Variants in NFIB observed in about 807,000 individuals in gnomAD.
NFIB encodes nuclear factor I B.
A neutral mutation model predicts 61.5 loss-of-function variants in NFIB; 11 were observed. The ratio of observed to expected loss-of-function variants is 0.18; its 90% CI spans 0.11 to 0.30. The LOEUF (loss-of-function observed/expected upper bound fraction) is 0.30. Among genes scored for constraint, NFIB ranks in the 10% least tolerant of loss-of-function variants. The pLI, the probability that NFIB is intolerant of heterozygous loss-of-function variation, is 1.00. For synonymous variants in NFIB, 260 were observed against 216.5 expected (o/e 1.20, Z -1.76); for missense variants, 471 against 608.9 (o/e 0.77, Z 2.38).
chr9:14,484,392 C>CAT, the NFIB span, among the ~76,000 whole-genome samples: 1 of 152,294 alleles, frequency 6.6e-6, no homozygotes, highest in East Asian at 1.9e-4. Context: ...ATTCTTATGG[C>CAT]ATATATCCTT....
At chr9:14,274,604 T>C (rs1163567942) in intron 2 of NFIB, among the ~76,000 whole-genome samples, 1 of 152,318 alleles carries the variant, frequency 6.6e-6, no homozygotes, top group East Asian at 1.9e-4. Context: ...CTGACTCTTC[T>C]GAAATCTTAG....
chr9:14,196,765 A>C (rs73413827), intron 2 of NFIB, among the ~76,000 whole-genome samples: 17,889 of 152,050 alleles, frequency 0.12, 1,432 homozygotes, highest in East Asian at 0.38. Flanking sequence ...TAAAACCTTA[A>C]AAAGAAAAAT....
chr9:14,110,363 C>G (rs1311694574), intron 10 of NFIB, among the ~76,000 whole-genome samples: 1 of 151,966 alleles, frequency 6.6e-6, no homozygotes, highest in Non-Finnish European at 1.5e-5. Context: ...AAGAATGTAC[C>G]TGGTGACGAT....
At chr9:14,125,396 T>G (rs1467696373) in intron 7 of NFIB, among the ~76,000 whole-genome samples, 1 of 152,190 alleles carries the variant, frequency 6.6e-6, no homozygotes, top group African/African-American at 2.4e-5. Context: ...GACCTCGTGA[T>G]CCACCCGCCT....
At chr9:14,407,164 G>A in the NFIB span, among the ~76,000 whole-genome samples, 2 of 152,008 alleles carry the variant, frequency 1.3e-5, no homozygotes, top group African/African-American at 2.4e-5. Flanking sequence ...AACCTTCCTC[G>A]ACACAGTCAT....
chr9:14,504,189 C>A, the NFIB span, among the ~76,000 whole-genome samples: 2 of 152,102 alleles, frequency 1.3e-5, no homozygotes, highest in Admixed American at 1.3e-4. Context: ...GGTCTATGTG[C>A]CTATTTTTAC....
chr9:14,309,423 T>G (rs2060181593), intron 1 of NFIB, among the ~76,000 whole-genome samples: 1 of 152,164 alleles, frequency 6.6e-6, no homozygotes, highest in African/African-American at 2.4e-5. Context: ...TAAGTATGAA[T>G]CAAAATTTTA....
chr9:14,408,165 G>C, the NFIB span, among the ~76,000 whole-genome samples: 4 of 152,138 alleles, frequency 2.6e-5, no homozygotes, highest in African/African-American at 9.7e-5. Flanking sequence ...AAGGGACATG[G>C]AATCTTCCAG....
the NFIB span, among the ~76,000 whole-genome samples, chr9:14,437,595 A>C: frequency 0.52 from 78,459 of 152,020 alleles, 21,268 homozygotes; most frequent in Admixed American, 0.6. Context: ...GGCTTCCTGG[A>C]GCTGCTCTTC....
At chr9:14,261,217 T>C (rs997677313) in intron 2 of NFIB, among the ~76,000 whole-genome samples, 7 of 152,044 alleles carry the variant, frequency 4.6e-5, no homozygotes, top group African/African-American at 1.7e-4. Flanking sequence ...CTCAGGTGGC[T>C]GAGGCAGGAG....
chr9:14,465,484 A>G, the NFIB span, among the ~76,000 whole-genome samples: 1 of 152,162 alleles, frequency 6.6e-6, no homozygotes, highest in African/African-American at 2.4e-5. Flanking sequence ...TTAACAACAT[A>G]GAGAGAAGAA....
chr9:14,263,015 G>A (rs1428006405), intron 2 of NFIB, among the ~76,000 whole-genome samples: 1 of 152,094 alleles, frequency 6.6e-6, no homozygotes, highest in Non-Finnish European at 1.5e-5. Context: ...GAAACACTAG[G>A]GGTGCAGACA....
chr9:14,453,637 G>C, the NFIB span, among the ~76,000 whole-genome samples: 9 of 152,164 alleles, frequency 5.9e-5, no homozygotes, highest in African/African-American at 2.2e-4. Flanking sequence ...AAATCATTGA[G>C]AGTAATATTG....
chr9:14,131,116 T>TA (rs1268097205), intron 6 of NFIB, among the ~76,000 whole-genome samples: 1 of 152,166 alleles, frequency 6.6e-6, no homozygotes, highest in Non-Finnish European at 1.5e-5. Context: ...ATAATTTTTT[T>TA]AAAAAGATTC....
intron 2 of NFIB, among the ~76,000 whole-genome samples, chr9:14,265,691 T>A (rs530945048): frequency 6.6e-6 from 1 of 152,182 alleles, no homozygotes; most frequent in Non-Finnish European, 1.5e-5. Flanking sequence ...AGCATTCCTC[T>A]CCCTTCTAGG....
Position 14,082,677 on chromosome 9 carries a change from T to TTG in NFIB, c.*5631_*5632insCA, listed in dbSNP as rs373623232. 508 of 201,992 alleles carry TTG rather than the reference T, an allele frequency of 2.5e-3. 6 individuals are homozygous for TTG. The highest frequency in any genetic ancestry group is 0.011 in the African/African-American group (486 of 43,516). The allele number at this position is 201,992 out of a possible 1,614,324, so 12.5% of individuals were successfully genotyped here. A position where few individuals can be genotyped will look rare whatever the true frequency, so the allele number is the denominator to read the frequency against. ...GGTAAACATTTTGCTGGTTTTTTTT[T>TTG]TTTGTTTGTTTCTTTCTTGTTTTGC... On this transcript the variant is annotated 3_prime_UTR_variant, in exon 11 of 11. Transcript: ENST00000380953.
At chr9:14,237,871 G>GTC (rs1306804922) in intron 2 of NFIB, among the ~76,000 whole-genome samples, 3 of 148,676 alleles carry the variant, frequency 2.0e-5, no homozygotes, top group African/African-American at 4.9e-5. Context: ...GTGTGTGTGT[G>GTC]TGTGTGTGTG....
intron 1 of NFIB, among the ~76,000 whole-genome samples, chr9:14,378,814 T>TCCC (rs764112248): frequency 2.6e-5 from 4 of 151,876 alleles, no homozygotes; most frequent in African/African-American, 4.8e-5. Flanking sequence ...ACCTATCCCA[T>TCCC]CCCTGCCCAC....
At chr9:14,342,449 C>T (rs529265040) in intron 1 of NFIB, among the ~76,000 whole-genome samples, 42 of 143,296 alleles carry the variant, frequency 2.9e-4, no homozygotes, top group African/African-American at 8.4e-4. Context: ...GGAAGGAAGA[C>T]GGGAGGCAGG....
Sources: allele counts gnomAD v4.1 joint callset (sites outside exome capture counted in the v4.1 genomes callset), GRCh38; gene constraint gnomAD v4.1.1; transcripts MANE v1.5; gene names NCBI Gene and HGNC (gene_info 2026-07-23, HGNC 2026-07-21).